Variants in CDK5RAP2 observed in about 807,000 individuals in gnomAD.
CDK5RAP2 encodes the protein CDK5 regulatory subunit associated protein 2, also known as CDK5 regulatory subunit-associated protein 2.
Under a neutral mutation model 232.9 loss-of-function variants are expected in CDK5RAP2, and 147 were observed. The ratio of observed to expected loss-of-function variants is 0.63; its 90% CI spans 0.55 to 0.72. The LOEUF is 0.72. CDK5RAP2 is among the 30% of genes least tolerant of loss of function. CDK5RAP2 has a pLI of 0.00. For synonymous variants in CDK5RAP2, 833 were observed against 833.7 expected (o/e 1.00, Z 0.01); for missense variants, 2,195 against 2,231.5 (o/e 0.98, Z 0.33).
intron 32 of CDK5RAP2, chr9:120,406,745 G>C (rs899271279): frequency 1.1e-5 from 6 of 536,458 alleles, no homozygotes; most frequent in Non-Finnish European, 1.7e-5. Flanking sequence ...GGATAGGAGG[G>C]AGCAAGGCCA....
chr9:120,409,147 G>A lies in CDK5RAP2; in HGVS notation c.4584C>T (p.Cys1528=), dbSNP rs746774591. ...ACTACCTGCTCAGCTCCTGGCCGCT[G>A]CAGCGGACCTCCTGGATCAGCTGCT... ...HNQQLIQEVR[C]SGQELSRVQE... is the part of the protein sequence containing the mutation. The change falls in exon 30 of 38, where the codon TGC becomes TGT. Residue 1528 remains cysteine (C), a synonymous_variant. Coordinates refer to ENST00000349780, the MANE Select transcript of CDK5RAP2 (RefSeq NM_018249.6). 11 of 1,612,140 alleles carry A rather than the reference G, an allele frequency of 6.8e-6. No homozygotes were observed. The African/African-American group carries it at 1.3e-4, about 20-fold the overall frequency.
rs1336734721 is a variant in CDK5RAP2 at position 120,572,159 on chromosome 9, GCTACCT to G, written c.60-124_60-119del. 6.1e-6 allele frequency: 5 copies of G among 820,032 alleles called. No individual in the cohort carries two copies. The African/African-American group carries it at 8.3e-5, about 14-fold the overall frequency. 50.8% of individuals were successfully genotyped at this position (820,032 alleles called of 1,614,324 possible). ...GGCCAGGAGGGATGCACACAGCTGG[GCTACCT>G]ATGTGGCATGAAGCACAGAGGTTAA... On this transcript the variant is annotated intron_variant, in intron 1 of 37. Transcript: ENST00000349780.
At position 120,402,836 on chromosome 9, in the gene CDK5RAP2, G is replaced by A. The variant is rs2033144401; in HGVS notation, c.5277C>T (p.Pro1759=). The A allele has an allele frequency of 1.2e-6, 2 of 1,614,132 alleles. No individual in the cohort carries two copies. The highest frequency in any genetic ancestry group is 1.7e-6 in the Non-Finnish European group (2 of 1,180,028). The change falls in exon 34 of 38, where the codon CCC becomes CCT. Residue 1759 remains proline (P), a synonymous_variant. Coordinates refer to ENST00000349780, the MANE Select transcript of CDK5RAP2 (RefSeq NM_018249.6). ...TTCCCAGCTCTTGACTTGTGGAGCT[G>A]GGAGCCTCTTGGGTTTGAATGTCCA... is the stretch of plus-strand genomic sequence containing the variant. ...AEMDIQTQEA[P]SSTSQELGTK...
rs1352808414 is a variant in CDK5RAP2, at chr9:120,580,111, G to C, written c.-133C>G. The C allele has an allele frequency of 1.3e-5, 8 of 592,706 alleles. No individual in the cohort carries two copies. Among genetic ancestry groups the C allele is most frequent in the Non-Finnish European group, 1.8e-5 (6 of 326,500 alleles). The allele number at this position is 592,706 out of a possible 1,614,324, so 36.7% of individuals were successfully genotyped here. A position where few individuals can be genotyped will look rare whatever the true frequency, so the allele number is the denominator to read the frequency against. ...CTCTTGTTCAGACTCTGGCGGCGCC[G>C]CTGGAATTCAAACCACAGACGCCGC... On this transcript the variant is annotated 5_prime_UTR_variant, in exon 1 of 38. Transcript: ENST00000349780.
intron 1 of CDK5RAP2, among the ~76,000 whole-genome samples, chr9:120,573,760 TGA>T (rs1430279624): frequency 7.9e-5 from 12 of 152,138 alleles, no homozygotes; most frequent in Non-Finnish European, 1.5e-4. Context: ...AGTAGGGAAA[TGA>T]GAGGTTTTCT....
At chr9:120,553,033 GA>G (rs1384937129) in intron 3 of CDK5RAP2, among the ~76,000 whole-genome samples, 2 of 152,072 alleles carry the variant, frequency 1.3e-5, no homozygotes, top group African/African-American at 2.4e-5. Flanking sequence ...AAAGTTGGGG[GA>G]AAAAATAGTA....
At position 120,529,575 on chromosome 9, in the gene CDK5RAP2, C is replaced by A. The variant is rs1025501053; in HGVS notation, c.825+403G>T. On this transcript the variant is annotated intron_variant, in intron 8 of 37. Transcript: ENST00000349780. ...GCTAAGCCCGATACGAGTTAGTCCT[C>A]TTCCCACCCTACCTCTCAAGTTGCA... Among the ~76,000 whole-genome samples the A allele has an allele frequency of 5.3e-5, 8 of 152,226 alleles. No individual in the cohort carries two copies. In the South Asian group the frequency reaches 1.2e-3, roughly 24 times the overall value.
At chr9:120,406,807 A>G (rs1026518839) in intron 32 of CDK5RAP2, 61 of 587,004 alleles carry the variant, frequency 1.0e-4, no homozygotes, top group African/African-American at 1.0e-3. Flanking sequence ...GAGAATCAAG[A>G]TGCCTCAGAT....
chr9:120,398,920 A>T (rs2032747323), intron 35 of CDK5RAP2, among the ~76,000 whole-genome samples: 1 of 152,224 alleles, frequency 6.6e-6, no homozygotes, highest in Admixed American at 6.5e-5. Flanking sequence ...TTGGAAATGG[A>T]AATCAGCATT....
chr9:120,501,855 G>A (rs1028951139), intron 12 of CDK5RAP2, among the ~76,000 whole-genome samples: 1 of 152,170 alleles, frequency 6.6e-6, no homozygotes, highest in Non-Finnish European at 1.5e-5. Context: ...AATGATTGTT[G>A]TTTTGGGGTA....
At chr9:120,555,360 A>G (rs746061285) in intron 3 of CDK5RAP2, among the ~76,000 whole-genome samples, 1 of 151,596 alleles carries the variant, frequency 6.6e-6, no homozygotes, top group Non-Finnish European at 1.5e-5. Flanking sequence ...CTGGTCTCGA[A>G]CTCCTGACCT....
chr9:120,559,452 A>T (rs2042375909), intron 3 of CDK5RAP2, among the ~76,000 whole-genome samples: 1 of 146,404 alleles, frequency 6.8e-6, no homozygotes, highest in African/African-American at 2.5e-5. Context: ...AGGCCACTGC[A>T]CTCCAGCCTG....
chr9:120,480,783 A>G (rs1296966884), intron 14 of CDK5RAP2, among the ~76,000 whole-genome samples: 7 of 152,348 alleles, frequency 4.6e-5, no homozygotes, highest in Non-Finnish European at 1.0e-4. Context: ...AAACAAGGCC[A>G]AGGCACCACC....
In CDK5RAP2 at chr9:120,487,550, C is replaced by T. The variant is rs1006921066; in HGVS notation, c.1483-113G>A. On this transcript the variant is annotated intron_variant, in intron 13 of 37. Transcript: ENST00000349780. ...TTATTTTTTCATAATACTCCTATAT[C>T]CCCTACATAATTTTCATCATTCCAA... 4 of 771,478 alleles carry T rather than the reference C, an allele frequency of 5.2e-6. No homozygotes were observed. The Admixed American group carries it at 1.2e-4, about 23-fold the overall frequency. 47.8% of individuals were successfully genotyped at this position (771,478 alleles called of 1,614,324 possible).
chr9:120,407,959 T>G, intron 31 of CDK5RAP2: 3 of 300,760 alleles, frequency 1.0e-5, no homozygotes, highest in South Asian at 9.6e-5. Context: ...CTACTATGTG[T>G]CAGGTATCTT....
intron 3 of CDK5RAP2, among the ~76,000 whole-genome samples, chr9:120,556,528 A>C (rs2042235659): frequency 1.3e-5 from 2 of 151,886 alleles, no homozygotes; most frequent in Non-Finnish European, 2.9e-5. Flanking sequence ...TCCCGGGTTC[A>C]AGCGATTCTC....
intron 3 of CDK5RAP2, among the ~76,000 whole-genome samples, chr9:120,559,488 C>CAAAAAAAAA (rs558274119): frequency 4.5e-4 from 22 of 48,606 alleles, no homozygotes; most frequent in South Asian, 1.5e-3. Flanking sequence ...GACTCTGTCT[C>CAAAAAAAAA]AAAAAAAAAA....
chr9:120,393,442 G>C (rs2032178503), intron 36 of CDK5RAP2, among the ~76,000 whole-genome samples: 1 of 152,202 alleles, frequency 6.6e-6, no homozygotes, highest in South Asian at 2.1e-4. Context: ...ACTCCTACTT[G>C]GCAATAATCT....
intron 11 of CDK5RAP2, 56 bp downstream of exon 11, chr9:120,524,925 TCCTCA>T: frequency 8.4e-7 from 1 of 1,185,280 alleles, no homozygotes; most frequent in Non-Finnish European, 1.3e-6. Flanking sequence ...AGCTGCAAAG[TCCTCA>T]CCTCACCAGG....
Sources: gnomAD v4.1 joint callset for allele counts (sites outside exome capture counted in the v4.1 genomes callset) on GRCh38, gnomAD v4.1.1 for gene constraint, MANE v1.5 for transcripts, NCBI Gene and HGNC (gene_info 2026-07-23, HGNC 2026-07-21) for gene names.